Variants in EIF2B3 observed in about 807,000 individuals in gnomAD.
EIF2B3 encodes eukaryotic translation initiation factor 2B subunit gamma, also known as translation initiation factor eIF2B subunit gamma.
Under a neutral mutation model 54.1 loss-of-function variants are expected in EIF2B3, and 20 were observed. The ratio of observed to expected loss-of-function variants is 0.37; its 90% CI spans 0.26 to 0.54. The LOEUF (loss-of-function observed/expected upper bound fraction) is 0.54, where lower values mean the gene tolerates loss of function less well. Among genes scored for constraint, EIF2B3 ranks in the 20% least tolerant of loss-of-function variants. The pLI is 0.86. For synonymous variants in EIF2B3, 153 were observed against 188.1 expected (o/e 0.81, Z 1.52); for missense variants, 448 against 547.8 (o/e 0.82, Z 1.82).
chr1:44,935,661 A>C (rs1450465085), intron 4 of EIF2B3, among the ~76,000 whole-genome samples: 1 of 152,038 alleles, frequency 6.6e-6, no homozygotes, highest in Non-Finnish European at 1.5e-5. Flanking sequence ...CACCACACCC[A>C]GCTAATTTTT....
At chr1:44,900,462 A>G (rs570486349) in intron 5 of EIF2B3, among the ~76,000 whole-genome samples, 42 of 150,802 alleles carry the variant, frequency 2.8e-4, no homozygotes, top group Middle Eastern at 3.4e-3. Context: ...AAAAAAAAAA[A>G]AAAAAAGGGA....
At chr1:44,952,854 C>T (rs954531264) in intron 3 of EIF2B3, among the ~76,000 whole-genome samples, 1 of 152,080 alleles carries the variant, frequency 6.6e-6, no homozygotes, top group Non-Finnish European at 1.5e-5. Flanking sequence ...GCCTGGCCGT[C>T]CTTTCTCCAA....
intron 3 of EIF2B3, among the ~76,000 whole-genome samples, chr1:44,944,073 G>A (rs1644069216): frequency 6.6e-6 from 1 of 152,056 alleles, no homozygotes; most frequent in Non-Finnish European, 1.5e-5. Flanking sequence ...GAACCCAGGA[G>A]GTGGAAATTG....
intron 3 of EIF2B3, among the ~76,000 whole-genome samples, chr1:44,959,857 C>G (rs951387417): frequency 6.6e-6 from 1 of 152,184 alleles, no homozygotes. Flanking sequence ...CTGTTTCTGA[C>G]TGAGCTGTGT....
Position 44,978,006 on chromosome 1 carries a change from G to A in EIF2B3, c.294+309C>T, listed in dbSNP as rs535796052. Among the ~76,000 whole-genome samples the A allele has an allele frequency of 1.3e-4, 20 of 152,284 alleles. 1 individual carries two copies. The East Asian group carries it at 2.5e-3, about 19-fold the overall frequency. On this transcript the variant is annotated intron_variant, in intron 3 of 11. Coordinates refer to ENST00000360403, the MANE Select transcript of EIF2B3 (RefSeq NM_020365.5). Reference sequence around the variant, plus strand: ...TGTAATCCCAGCACTTTGGAAGGCCGAGGAGGGTGGATCACCTGAGGTCAG... The same window carrying A: ...TGTAATCCCAGCACTTTGGAAGGCCAAGGAGGGTGGATCACCTGAGGTCAG...
intron 4 of EIF2B3, among the ~76,000 whole-genome samples, chr1:44,930,666 A>G (rs7531391): frequency 0.17 from 25,829 of 152,122 alleles, 2,302 homozygotes; most frequent in Non-Finnish European, 0.18. Context: ...TTGGAGGTGC[A>G]GTCTTGCTCT....
At chr1:44,968,007 C>T (rs1315063242) in intron 3 of EIF2B3, among the ~76,000 whole-genome samples, 1 of 151,868 alleles carries the variant, frequency 6.6e-6, no homozygotes, top group Admixed American at 6.6e-5. Flanking sequence ...CACTGCACTC[C>T]AGCCTGGGCG....
chr1:44,882,853 G>A (rs1254906913), intron 6 of EIF2B3, among the ~76,000 whole-genome samples: 1 of 151,166 alleles, frequency 6.6e-6, no homozygotes, highest in Non-Finnish European at 1.5e-5. Context: ...GGCCTCAAGT[G>A]ATCCGCCTGC....
chr1:44,921,878 G>A (rs1330834891), intron 5 of EIF2B3, among the ~76,000 whole-genome samples: 1 of 149,570 alleles, frequency 6.7e-6, no homozygotes, highest in Non-Finnish European at 1.5e-5. Flanking sequence ...TGGGTCTTCT[G>A]TAATTCCATA....
intron 3 of EIF2B3, among the ~76,000 whole-genome samples, chr1:44,968,617 A>G (rs773499599): frequency 4.6e-5 from 7 of 152,148 alleles, no homozygotes; most frequent in Non-Finnish European, 8.8e-5. Context: ...GAATACATTT[A>G]GGCCGGTGCA....
chr1:44,941,670 T>C lies in EIF2B3; in HGVS notation c.295-5A>G. On this transcript the variant is annotated splice_region_variant and splice_polypyrimidine_tract_variant and intron_variant, in intron 3 of 11. Transcript: ENST00000360403. The stretch of plus-strand genomic sequence containing the variant: ...GCTCAGCACCAGCACATCTGTCTGT[T>C]AAATGGAGATGGGAAAAGTCAATAT... The C allele has an allele frequency of 6.2e-7, 1 of 1,614,136 alleles. No homozygotes were observed. Among genetic ancestry groups the C allele is most frequent in the Non-Finnish European group, 8.5e-7 (1 of 1,180,024 alleles).
At chr1:44,942,827 C>A (rs1033751850) in intron 3 of EIF2B3, among the ~76,000 whole-genome samples, 21 of 151,860 alleles carry the variant, frequency 1.4e-4, no homozygotes, top group African/African-American at 5.1e-4. Context: ...TAACACTTTG[C>A]AAACATTATT....
chr1:44,887,277 A>T (rs1286270054), intron 6 of EIF2B3, among the ~76,000 whole-genome samples: 4 of 152,196 alleles, frequency 2.6e-5, no homozygotes, highest in Non-Finnish European at 5.9e-5. Flanking sequence ...TGTAAATGGT[A>T]ATACTGTAGG....
At chr1:44,851,052 C>A in intron 11 of EIF2B3, 49 bp from the exon 12 acceptor site, 1 of 1,575,142 alleles carries the variant, frequency 6.3e-7, no homozygotes, top group Non-Finnish European at 8.7e-7. Flanking sequence ...AGCAAGATGA[C>A]ATTTCAAACC....
chr1:44,936,411 C>T (rs1210912113), intron 4 of EIF2B3, among the ~76,000 whole-genome samples: 1 of 141,370 alleles, frequency 7.1e-6, no homozygotes, highest in East Asian at 2.1e-4. Flanking sequence ...GAAACCCCAT[C>T]TCTACTAAAA....
At chr1:44,891,211 C>T (rs1209055481) in intron 6 of EIF2B3, among the ~76,000 whole-genome samples, 2 of 152,126 alleles carry the variant, frequency 1.3e-5, no homozygotes, top group African/African-American at 4.8e-5. Context: ...GTAATCCTCC[C>T]ACCTCAGCCT....
At chr1:44,928,320 G>T (rs948433252) in intron 4 of EIF2B3, among the ~76,000 whole-genome samples, 1 of 151,928 alleles carries the variant, frequency 6.6e-6, no homozygotes, top group Non-Finnish European at 1.5e-5. Flanking sequence ...GGTGGCAGGC[G>T]CCTGTAATCC....
chr1:44,870,598 A>G (rs1170395210), intron 10 of EIF2B3, among the ~76,000 whole-genome samples: 1 of 148,126 alleles, frequency 6.8e-6, no homozygotes, highest in South Asian at 2.1e-4. Flanking sequence ...CATGTCACAC[A>G]CTCTCCTTGG....
intron 10 of EIF2B3, among the ~76,000 whole-genome samples, chr1:44,868,330 G>A (rs1310665545): frequency 1.2e-4 from 18 of 149,680 alleles, no homozygotes; most frequent in African/African-American, 4.2e-4. Context: ...CCCGGGAGGC[G>A]GAGCTTGCAG....
Sources: allele counts gnomAD v4.1 joint callset (sites outside exome capture counted in the v4.1 genomes callset), GRCh38; gene constraint gnomAD v4.1.1; transcripts MANE v1.5; gene names NCBI Gene and HGNC (gene_info 2026-07-23, HGNC 2026-07-21).